Variants in CUL3 observed in about 807,000 individuals in gnomAD.
The protein encoded by CUL3 is cullin 3.
CUL3 carries 19 observed loss-of-function variants against 89.1 expected under a neutral mutation model. The observed-to-expected ratio is 0.21, with a 90% CI of 0.15 to 0.31. The LOEUF (loss-of-function observed/expected upper bound fraction) is 0.31, where lower values mean the gene tolerates loss of function less well. CUL3 is among the 10% of genes least tolerant of loss of function. The pLI, the probability that CUL3 is intolerant of heterozygous loss-of-function variation, is 1.00. For missense variants in CUL3, 469 were observed against 942.3 expected (o/e 0.50, Z 6.58); for synonymous variants, 351 against 308.4 (o/e 1.14, Z -1.45).
chr2:224,484,677 ATTAT>A (rs1265693831), intron 13 of CUL3, among the ~76,000 whole-genome samples: 1 of 152,102 alleles, frequency 6.6e-6, no homozygotes, highest in African/African-American at 2.4e-5. Flanking sequence ...ATTTTCTTCC[ATTAT>A]TTATATAGAT....
intron 2 of CUL3, among the ~76,000 whole-genome samples, chr2:224,554,335 G>C (rs2106298433): frequency 6.6e-6 from 1 of 152,248 alleles, no homozygotes; most frequent in South Asian, 2.1e-4. Context: ...AAGAATCTCA[G>C]GGATATTATT....
chr2:224,508,163 C>T (rs921370366), intron 6 of CUL3, among the ~76,000 whole-genome samples: 2 of 151,290 alleles, frequency 1.3e-5, no homozygotes, highest in African/African-American at 4.9e-5. Flanking sequence ...CCCTAATTTG[C>T]CTACCTTGGT....
intron 1 of CUL3, among the ~76,000 whole-genome samples, chr2:224,564,509 G>A (rs1012477939): frequency 1.3e-5 from 2 of 152,150 alleles, no homozygotes; most frequent in African/African-American, 2.4e-5. Flanking sequence ...TTACAATATA[G>A]TTATAATTGT....
chr2:224,517,376 T>C (rs1277861049), intron 3 of CUL3, among the ~76,000 whole-genome samples: 1 of 152,152 alleles, frequency 6.6e-6, no homozygotes, highest in Non-Finnish European at 1.5e-5. Flanking sequence ...TGAAGCTCAA[T>C]ATTGTATACA....
intron 1 of CUL3, chr2:224,562,990 G>C (rs185617577): frequency 9.6e-6 from 2 of 208,214 alleles, no homozygotes; most frequent in Non-Finnish European, 2.0e-5. Flanking sequence ...AAATGAGAAC[G>C]TCAGTAGATT....
At chr2:224,548,671 C>T (rs547037036) in intron 2 of CUL3, among the ~76,000 whole-genome samples, 1 of 152,136 alleles carries the variant, frequency 6.6e-6, no homozygotes, top group African/African-American at 2.4e-5. Flanking sequence ...AAAGCTCTTC[C>T]CATATTAAAA....
At position 224,515,016 on chromosome 2, in the gene CUL3, T is replaced by C. The variant is rs113831754; in HGVS notation, c.379-244A>G. Among the ~76,000 whole-genome samples, 2,833 of 152,196 alleles carry C rather than the reference T, an allele frequency of 0.019. 94 individuals are homozygous for C. The highest frequency in any genetic ancestry group is 0.064 in the African/African-American group (2,677 of 41,506). ...TTACCTAAAGAAAAAGGGTAAAAAG[T>C]AAGCATCATAGCCAGGAAGAAAAAA... On this transcript the variant is annotated intron_variant, in intron 3 of 15. Transcript: ENST00000264414.
intron 3 of CUL3, among the ~76,000 whole-genome samples, chr2:224,517,466 A>T (rs1464239260): frequency 2.0e-5 from 3 of 152,112 alleles, no homozygotes; most frequent in Non-Finnish European, 2.9e-5. Flanking sequence ...TGAGGTCAGG[A>T]GTTTGAGACC....
chr2:224,533,754 G>C (rs1693779990), intron 3 of CUL3, among the ~76,000 whole-genome samples: 1 of 152,060 alleles, frequency 6.6e-6, no homozygotes, highest in Admixed American at 6.5e-5. Flanking sequence ...ATAACACAAG[G>C]TTAATTTATA....
intron 2 of CUL3, among the ~76,000 whole-genome samples, chr2:224,543,336 T>C (rs1694183818): frequency 6.6e-6 from 1 of 152,182 alleles, no homozygotes; most frequent in South Asian, 2.1e-4. Flanking sequence ...ATACTAATCA[T>C]GTATTAAAAA....
In CUL3 at chr2:224,470,263, T is replaced by G. The variant is rs1691076043; in HGVS notation, c.*3982A>C. 1 of 220,838 alleles carries G rather than the reference T, an allele frequency of 4.5e-6. No homozygotes were observed. The highest frequency in any genetic ancestry group is 2.2e-5 in the African/African-American group (1 of 44,650). The allele number at this position is 220,838 out of a possible 1,614,324, so 13.7% of individuals were successfully genotyped here. On this transcript the variant is annotated 3_prime_UTR_variant, in exon 16 of 16. Coordinates refer to ENST00000264414, the MANE Select transcript of CUL3 (RefSeq NM_003590.5). ...TCTTGAAATTTGACAATTTCATTGTTACTAAAAAATACACGTTTACTTTGA... is the reference window on the plus strand; with the variant it reads ...TCTTGAAATTTGACAATTTCATTGTGACTAAAAAATACACGTTTACTTTGA...
chr2:224,532,016 A>G (rs1163035390), intron 3 of CUL3, among the ~76,000 whole-genome samples: 1 of 152,236 alleles, frequency 6.6e-6, no homozygotes, highest in Non-Finnish European at 1.5e-5. Context: ...GTAGGGAGAA[A>G]AAAAGAACTT....
intron 1 of CUL3, among the ~76,000 whole-genome samples, chr2:224,582,821 C>T (rs1695473332): frequency 6.6e-6 from 1 of 152,128 alleles, no homozygotes; most frequent in Admixed American, 6.5e-5. Context: ...TACTGACAGA[C>T]CCCCAGAACA....
intron 2 of CUL3, among the ~76,000 whole-genome samples, chr2:224,551,825 A>G (rs1346702562): frequency 3.9e-5 from 6 of 152,192 alleles, no homozygotes; most frequent in Non-Finnish European, 8.8e-5. Context: ...TTGTACAGCC[A>G]TTCACTTTGC....
intron 6 of CUL3, among the ~76,000 whole-genome samples, chr2:224,509,408 G>A (rs1218028206): frequency 6.6e-6 from 1 of 152,144 alleles, no homozygotes; most frequent in African/African-American, 2.4e-5. Flanking sequence ...ATAGAGACAG[G>A]GTTTCACCAA....
At chr2:224,502,896 G>T in intron 10 of CUL3, 69 bp downstream of exon 10, 1 of 1,050,450 alleles carries the variant, frequency 9.5e-7, no homozygotes, top group Non-Finnish European at 1.5e-6. Flanking sequence ...TCTGCTAAGT[G>T]GATGAAAATA....
chr2:224,482,777 G>C (rs1559338097), intron 13 of CUL3, among the ~76,000 whole-genome samples: 1 of 152,140 alleles, frequency 6.6e-6, no homozygotes, highest in Non-Finnish European at 1.5e-5. Context: ...TTCTGTCAGT[G>C]GGACAGCAAG....
chr2:224,484,302 C>G (rs1396160343), intron 13 of CUL3, among the ~76,000 whole-genome samples: 1 of 152,042 alleles, frequency 6.6e-6, no homozygotes, highest in African/African-American at 2.4e-5. Flanking sequence ...TTTTCTTTTG[C>G]TCATGTTTGG....
At chr2:224,575,709 G>A (rs930368925) in intron 1 of CUL3, among the ~76,000 whole-genome samples, 4 of 151,474 alleles carry the variant, frequency 2.6e-5, no homozygotes, top group African/African-American at 9.7e-5. Flanking sequence ...TTTCCTTTTT[G>A]CAAAAGAGGG....
Sources: gnomAD v4.1 joint callset for allele counts (sites outside exome capture counted in the v4.1 genomes callset) on GRCh38, gnomAD v4.1.1 for gene constraint, MANE v1.5 for transcripts, NCBI Gene and HGNC (gene_info 2026-07-23, HGNC 2026-07-21) for gene names.